CSMD1: variants seen among roughly 807,000 people sequenced by gnomAD.
CSMD1 encodes CUB and sushi domain-containing protein 1.
Under a neutral mutation model 417.5 loss-of-function variants are expected in CSMD1, and 213 were observed. That is an observed-to-expected ratio of 0.51 (90% CI 0.46 to 0.57). The LOEUF (loss-of-function observed/expected upper bound fraction) is 0.57. Ranked by LOEUF, CSMD1 falls within the 20% of genes least tolerant of loss-of-function variation. The pLI, the probability that CSMD1 is intolerant of heterozygous loss-of-function variation, is 0.00. For synonymous variants in CSMD1, 2,862 were observed against 1,736.8 expected (o/e 1.65, Z -16.11); for missense variants, 6,923 against 4,529.7 (o/e 1.53, Z -15.17).
intron 18 of CSMD1, among the ~76,000 whole-genome samples, chr8:3,386,295 C>A (rs949718768): frequency 3.9e-5 from 6 of 152,210 alleles, no homozygotes; most frequent in African/African-American, 1.4e-4. Context: ...TCAGGCTGCA[C>A]CTCTTTCTCA....
chr8:4,620,797 G>C (rs1028640125), intron 2 of CSMD1, among the ~76,000 whole-genome samples: 1 of 151,738 alleles, frequency 6.6e-6, no homozygotes, highest in Non-Finnish European at 1.5e-5. Flanking sequence ...ATAAAAAAGA[G>C]AGAGCCAAAT....
In CSMD1 at chr8:3,471,008, A is replaced by G. The variant is rs1476357151; in HGVS notation, c.1449-2184T>C. On this transcript the variant is annotated intron_variant, in intron 11 of 69. Transcript: ENST00000635120. ...TGTGTGTGCAGGTTTCTGTGTGAGC[A>G]TAAATCTTCATTTACCTGAGATAAA... Among the ~76,000 whole-genome samples the G allele has an allele frequency of 2.0e-5, 3 of 152,188 alleles. No individual in the cohort carries two copies. In the East Asian group the frequency reaches 5.8e-4, roughly 29 times the overall value.
At chr8:4,694,062 C>A (rs1435548343) in intron 1 of CSMD1, among the ~76,000 whole-genome samples, 1 of 152,124 alleles carries the variant, frequency 6.6e-6, no homozygotes, top group Non-Finnish European at 1.5e-5. Flanking sequence ...GGCAAACCTG[C>A]CTCCCATCCT....
chr8:3,305,889 C>G (rs182943660), intron 25 of CSMD1, among the ~76,000 whole-genome samples: 2 of 152,154 alleles, frequency 1.3e-5, no homozygotes, highest in East Asian at 3.9e-4. Flanking sequence ...ACCATGTTAG[C>G]CAGGATGATC....
chr8:3,196,076 A>T (rs1235636333), intron 33 of CSMD1, among the ~76,000 whole-genome samples: 2 of 152,190 alleles, frequency 1.3e-5, no homozygotes, highest in African/African-American at 2.4e-5. Flanking sequence ...CGCCGTAAAG[A>T]AGCCGGCCCA....
chr8:3,948,595 C>T (rs985940821), intron 5 of CSMD1, among the ~76,000 whole-genome samples: 5 of 152,152 alleles, frequency 3.3e-5, no homozygotes, highest in South Asian at 2.1e-4. Flanking sequence ...AAACGATGAA[C>T]GTGTTTTAAC....
Position 3,674,700 on chromosome 8 carries a change from G to A in CSMD1, c.1009+33714C>T, listed in dbSNP as rs548259977. ...TATAACCAGCAGAGGCAGAGAATGA[G>A]ATGAGAGCCCCAGTCTTGCTGATTC... On this transcript the variant is annotated intron_variant, in intron 7 of 69. Coordinates refer to ENST00000635120, the MANE Select transcript of CSMD1 (RefSeq NM_033225.6). Among the ~76,000 whole-genome samples the A allele has an allele frequency of 2.6e-5, 4 of 152,218 alleles. No homozygotes were observed. The South Asian group carries it at 8.3e-4, about 32-fold the overall frequency.
rs1484283198 is a variant in CSMD1, at chr8:3,183,473, AGGT to A, written c.5621-2262_5621-2260del. Among the ~76,000 whole-genome samples the A allele has an allele frequency of 3.5e-4, 28 of 79,032 alleles. 1 individual carries two copies. Among genetic ancestry groups the A allele is most frequent in the Non-Finnish European group, 3.6e-4 (15 of 41,486 alleles). The allele number at this position is 79,032 out of a possible 152,430, so 51.8% of individuals were successfully genotyped here. ...TCTATCTATCCCTGAAATATCGAGT[AGGT>A]CTCTAACGTTTCTTAAAGATACCAT... On this transcript the variant is annotated intron_variant, in intron 36 of 69. Transcript: ENST00000635120.
At chr8:3,438,214 T>C (rs1051727258) in intron 12 of CSMD1, among the ~76,000 whole-genome samples, 1 of 152,210 alleles carries the variant, frequency 6.6e-6, no homozygotes, top group African/African-American at 2.4e-5. Flanking sequence ...TATGCAGTTG[T>C]AAGAGGTAAT....
chr8:3,895,218 A>C (rs1807277337), intron 5 of CSMD1, among the ~76,000 whole-genome samples: 1 of 152,224 alleles, frequency 6.6e-6, no homozygotes, highest in South Asian at 2.1e-4. Context: ...TAATTAAAAT[A>C]ATTAGTGTTT....
chr8:4,123,716 G>C (rs1022147641), intron 3 of CSMD1, among the ~76,000 whole-genome samples: 11 of 152,196 alleles, frequency 7.2e-5, no homozygotes, highest in South Asian at 2.1e-4. Flanking sequence ...TTTGGAAGAA[G>C]TCACATTGTA....
chr8:3,258,693 A>C (rs1218938194), intron 26 of CSMD1, among the ~76,000 whole-genome samples: 1 of 152,230 alleles, frequency 6.6e-6, no homozygotes, highest in African/African-American at 2.4e-5. Context: ...AAGCAACCTA[A>C]ATGCCCATCA....
intron 2 of CSMD1, among the ~76,000 whole-genome samples, chr8:4,513,949 G>C (rs146814388): frequency 5.9e-5 from 9 of 152,264 alleles, no homozygotes; most frequent in African/African-American, 2.2e-4. Context: ...GTGATCCAAA[G>C]AATCACTTGG....
intron 6 of CSMD1, among the ~76,000 whole-genome samples, chr8:3,749,885 G>A (rs999973429): frequency 2.6e-5 from 4 of 151,798 alleles, no homozygotes; most frequent in Non-Finnish European, 5.9e-5. Context: ...CATCTCCTGG[G>A]GACATTCTCT....
intron 26 of CSMD1, among the ~76,000 whole-genome samples, chr8:3,275,167 T>C (rs1452114069): frequency 6.6e-6 from 1 of 152,184 alleles, no homozygotes; most frequent in African/African-American, 2.4e-5. Flanking sequence ...GTAAAGTATT[T>C]TATTTCTCCT....
rs1413441199 is a variant in CSMD1, at chr8:3,443,246, G to C, written c.1561+25466C>G. 2.0e-5 allele frequency among the ~76,000 whole-genome samples: 3 copies of C among 152,176 alleles called. No homozygotes were observed. The South Asian group carries it at 6.2e-4, about 32-fold the overall frequency. ...TTCTTATAGCAAAGAACTGGAAAGAGCTCATCAATAGATGGGTTGGAAGAC... is the reference window on the plus strand; with the variant it reads ...TTCTTATAGCAAAGAACTGGAAAGACCTCATCAATAGATGGGTTGGAAGAC... On this transcript the variant is annotated intron_variant, in intron 12 of 69. Coordinates refer to ENST00000635120, the MANE Select transcript of CSMD1 (RefSeq NM_033225.6).
intron 3 of CSMD1, among the ~76,000 whole-genome samples, chr8:4,319,232 G>C (rs937142191): frequency 1.3e-5 from 2 of 152,144 alleles, no homozygotes; most frequent in Non-Finnish European, 2.9e-5. Flanking sequence ...CCTAAATCCT[G>C]ACAGTCATTT....
chr8:4,212,074 A>G (rs373924363), intron 3 of CSMD1, among the ~76,000 whole-genome samples: 1 of 152,024 alleles, frequency 6.6e-6, no homozygotes, highest in Non-Finnish European at 1.5e-5. Context: ...GTAAGAAAGA[A>G]TATGCCTTGT....
At chr8:4,190,378 G>A (rs899587246) in intron 3 of CSMD1, among the ~76,000 whole-genome samples, 4 of 151,678 alleles carry the variant, frequency 2.6e-5, no homozygotes, top group Non-Finnish European at 5.9e-5. Flanking sequence ...CACCAATGAA[G>A]CAGCCACTAC....
Sources: allele counts gnomAD v4.1 joint callset (sites outside exome capture counted in the v4.1 genomes callset), GRCh38; gene constraint gnomAD v4.1.1; transcripts MANE v1.5; gene names NCBI Gene and HGNC (gene_info 2026-07-23, HGNC 2026-07-21).